The following C2orf76 variants were observed in gnomAD, a reference collection of about 807,000 sequenced individuals.
The protein encoded by C2orf76 is UPF0538 protein C2orf76.
Under a neutral mutation model 16.9 loss-of-function variants are expected in C2orf76, and 23 were observed. The observed-to-expected ratio is 1.36, with a 90% CI of 0.98 to 1.93. The LOEUF (loss-of-function observed/expected upper bound fraction) is 1.93, where lower values mean the gene tolerates loss of function less well. Ranked by LOEUF, C2orf76 falls within the 30% of genes most tolerant of loss-of-function variation. The pLI is 0.00. For synonymous variants in C2orf76, 48 were observed against 52.3 expected, an observed-to-expected ratio of 0.92 and a Z score of 0.35; for missense variants, 152 against 152.6, an observed-to-expected ratio of 1.00 and a Z score of 0.02.
chr2:119,341,639 G>A (rs972014143), intron 1 of C2orf76, among the ~76,000 whole-genome samples: 6 of 152,052 alleles, frequency 3.9e-5, no homozygotes, highest in African/African-American at 1.5e-4. Flanking sequence ...GATACGAGCA[G>A]GGCATAGTTC....
downstream of C2orf76, among the ~76,000 whole-genome samples, chr2:119,298,778 C>A (rs952025450): frequency 6.6e-6 from 1 of 152,076 alleles, no homozygotes; most frequent in Non-Finnish European, 1.5e-5. Flanking sequence ...GCACTCAAGT[C>A]TCTTAGTTCA....
At chr2:119,305,699 C>T (rs991737730) in intron 5 of C2orf76, among the ~76,000 whole-genome samples, 1 of 152,088 alleles carries the variant, frequency 6.6e-6, no homozygotes, top group African/African-American at 2.4e-5. Context: ...CAAAGTTTCA[C>T]CCTCTCTCCC....
the C2orf76 span, among the ~76,000 whole-genome samples, chr2:119,295,285 G>A: frequency 6.6e-6 from 1 of 152,268 alleles, no homozygotes; most frequent in Non-Finnish European, 1.5e-5. Flanking sequence ...AGTGGCACAG[G>A]GCCTGCAGGT....
chr2:119,297,458 G>A (rs989284051), downstream of C2orf76, among the ~76,000 whole-genome samples: 1 of 152,186 alleles, frequency 6.6e-6, no homozygotes, highest in Admixed American at 6.5e-5. Flanking sequence ...GCTATGCAAA[G>A]GAGTGACCTT....
At chr2:119,358,293 G>A (rs1573690794) in intron 1 of C2orf76, among the ~76,000 whole-genome samples, 1 of 151,886 alleles carries the variant, frequency 6.6e-6, no homozygotes, top group Admixed American at 6.6e-5. Flanking sequence ...CAAATGGTAA[G>A]AAGGCAAAAC....
intron 2 of C2orf76, among the ~76,000 whole-genome samples, chr2:119,325,199 C>T (rs986769508): frequency 1.3e-5 from 2 of 152,026 alleles, no homozygotes; most frequent in African/African-American, 4.8e-5. Flanking sequence ...AAAAGACACA[C>T]CTGCAATCCC....
chr2:119,294,828 G>A, the C2orf76 span, among the ~76,000 whole-genome samples: 1 of 152,186 alleles, frequency 6.6e-6, no homozygotes, highest in South Asian at 2.1e-4. Flanking sequence ...TCAGGTGCAG[G>A]TGTAGAAGGC....
intron 2 of C2orf76, among the ~76,000 whole-genome samples, chr2:119,335,975 G>C (rs141856608): frequency 4.6e-5 from 7 of 152,222 alleles, no homozygotes; most frequent in African/African-American, 1.7e-4. Context: ...TGCAAATTAA[G>C]AATAATTAAA....
chr2:119,294,011 G>A, the C2orf76 span, among the ~76,000 whole-genome samples: 19 of 152,148 alleles, frequency 1.2e-4, no homozygotes, highest in Non-Finnish European at 2.2e-4. Flanking sequence ...ACTGAAATCC[G>A]GAGTCTGCAG....
At chr2:119,333,920 A>T (rs1419135465) in intron 2 of C2orf76, among the ~76,000 whole-genome samples, 1 of 152,054 alleles carries the variant, frequency 6.6e-6, no homozygotes, top group Non-Finnish European at 1.5e-5. Flanking sequence ...GACATGAAGG[A>T]CCCTTCAATG....
chr2:119,353,192 G>T (rs995329693), intron 1 of C2orf76, among the ~76,000 whole-genome samples: 10 of 152,094 alleles, frequency 6.6e-5, no homozygotes, highest in Non-Finnish European at 2.9e-5. Context: ...AAGGCCAGGG[G>T]TGATGTGGGG....
downstream of C2orf76, among the ~76,000 whole-genome samples, chr2:119,299,108 G>A (rs886999927): frequency 2.0e-4 from 30 of 152,066 alleles, no homozygotes; most frequent in Middle Eastern, 0.01. Flanking sequence ...TGTAGAGACG[G>A]GGTTTCATCC....
At chr2:119,324,260 C>T (rs1679439066) in intron 2 of C2orf76, among the ~76,000 whole-genome samples, 1 of 152,184 alleles carries the variant, frequency 6.6e-6, no homozygotes, top group Non-Finnish European at 1.5e-5. Context: ...AGACAACGAC[C>T]AGGACACAGC....
the C2orf76 span, among the ~76,000 whole-genome samples, chr2:119,281,298 C>T: frequency 3.9e-4 from 59 of 152,180 alleles, no homozygotes; most frequent in Non-Finnish European, 7.2e-4. Context: ...AAGTAGGCCT[C>T]GGTGTCTGCT....
the C2orf76 span, among the ~76,000 whole-genome samples, chr2:119,282,759 C>T: frequency 2.6e-5 from 4 of 152,078 alleles, no homozygotes; most frequent in African/African-American, 7.2e-5. Context: ...TCTGCATAAT[C>T]GGTTCAACAG....
intron 4 of C2orf76, among the ~76,000 whole-genome samples, chr2:119,311,924 A>C (rs1050919019): frequency 5.3e-5 from 8 of 152,146 alleles, no homozygotes; most frequent in Non-Finnish European, 2.9e-5. Flanking sequence ...ATGGGCGTGA[A>C]GTCAGATCAG....
chr2:119,350,859 GC>G (rs1392292147), intron 1 of C2orf76, among the ~76,000 whole-genome samples: 1 of 152,178 alleles, frequency 6.6e-6, no homozygotes, highest in Non-Finnish European at 1.5e-5. Context: ...ACCAGCAGGG[GC>G]AGGCTTCTGG....
At chr2:119,366,971 CT>C (rs1681037780), upstream of C2orf76, 1 of 1,590,612 alleles carries the variant, frequency 6.3e-7, no homozygotes, top group Admixed American at 1.7e-5. Context: ...TCTAAAGGCG[CT>C]TGCCAGTGCA....
At chr2:119,329,201 T>G (rs1263895697) in intron 2 of C2orf76, among the ~76,000 whole-genome samples, 1 of 152,218 alleles carries the variant, frequency 6.6e-6, no homozygotes, top group East Asian at 1.9e-4. Context: ...TTACTTCATT[T>G]ATTTTGAAAT....
Sources: allele counts gnomAD v4.1 joint callset (sites outside exome capture counted in the v4.1 genomes callset), GRCh38; gene constraint gnomAD v4.1.1; transcripts MANE v1.5; gene names NCBI Gene and HGNC (gene_info 2026-07-23, HGNC 2026-07-21).